Variants in XPO1 observed in about 807,000 individuals in gnomAD.
The protein encoded by XPO1 is exportin 1.
A neutral mutation model predicts 133.3 loss-of-function variants in XPO1; 5 were observed. The ratio of observed to expected loss-of-function variants is 0.04; its 90% CI spans 0.02 to 0.08. The LOEUF (loss-of-function observed/expected upper bound fraction) is 0.08, where lower values mean the gene tolerates loss of function less well. Among genes scored for constraint, XPO1 ranks in the 10% least tolerant of loss-of-function variants. The pLI is 1.00. For missense variants in XPO1, 506 were observed against 1,267.5 expected (o/e 0.40, Z 9.12); for synonymous variants, 419 against 408.2 (o/e 1.03, Z -0.32).
Position 61,489,081 on chromosome 2 carries a change from G to A in XPO1, c.2023-310C>T, listed in dbSNP as rs1442722705. ...CGCACCACTGCACTCCAGCCTGGGC[G>A]AAAGAGCAAGACTCCGTCTCAAAAA... On this transcript the variant is annotated intron_variant, in intron 17 of 24. Coordinates refer to ENST00000401558, the MANE Select transcript of XPO1 (RefSeq NM_003400.4). 5.8e-5 allele frequency among the ~76,000 whole-genome samples: 8 copies of A among 138,872 alleles called. No homozygotes were observed. In the South Asian group the frequency reaches 7.1e-4, roughly 12 times the overall value. 91.1% of individuals were successfully genotyped at this position (138,872 alleles called of 152,430 possible). A position where few individuals can be genotyped will look rare whatever the true frequency, so the allele number is the denominator to read the frequency against.
At position 61,537,752 on chromosome 2, in the gene XPO1, A is replaced by ACAC. The variant is rs1553419555; in HGVS notation, c.-198_-197insGTG. 7.2e-6 allele frequency: 1 copy of ACAC among 139,102 alleles called. No individual in the cohort carries two copies. The highest frequency in any genetic ancestry group is 2.7e-5 in the African/African-American group (1 of 36,482). The allele number at this position is 139,102 out of a possible 1,614,324, so 8.6% of individuals were successfully genotyped here. On this transcript the variant is annotated 5_prime_UTR_variant, in exon 1 of 25. Transcript: ENST00000401558. ...TTACTATTTCAGGGACGCTTCCCCC[A>ACAC]ACACACACACACACACACACACACA...
intron 21 of XPO1, 112 bp downstream of exon 21, chr2:61,483,825 T>C (rs758025230): frequency 8.2e-7 from 1 of 1,220,938 alleles, no homozygotes; most frequent in Non-Finnish European, 1.2e-6. Context: ...TGTTCATATA[T>C]GTAATTCACA....
chr2:61,489,637 C>G (rs947663358), intron 17 of XPO1, among the ~76,000 whole-genome samples: 3 of 151,230 alleles, frequency 2.0e-5, no homozygotes, highest in Admixed American at 1.3e-4. Flanking sequence ...TCACTGCAAG[C>G]TCTGCCTCCC....
intron 6 of XPO1, among the ~76,000 whole-genome samples, 162 bp downstream of exon 6, chr2:61,501,834 A>G (rs541271885): frequency 3.9e-5 from 6 of 152,304 alleles, no homozygotes; most frequent in Admixed American, 3.3e-4. Context: ...CTGCCACAGC[A>G]AATTAACATT....
At chr2:61,483,729 G>A (rs1696529268) in intron 21 of XPO1, 9 of 516,026 alleles carry the variant, frequency 1.7e-5, no homozygotes, top group East Asian at 7.2e-5. Context: ...TTACTAGGCC[G>A]CTCTCCCCAT....
At chr2:61,516,736 A>C (rs900829303) in intron 4 of XPO1, among the ~76,000 whole-genome samples, 8 of 152,040 alleles carry the variant, frequency 5.3e-5, no homozygotes, top group Non-Finnish European at 1.2e-4. Context: ...TTTATCAATC[A>C]ATGAAATGAT....
At chr2:61,534,837 C>G (rs972295142) in intron 1 of XPO1, among the ~76,000 whole-genome samples, 1 of 151,728 alleles carries the variant, frequency 6.6e-6, no homozygotes, top group Non-Finnish European at 1.5e-5. Context: ...AGCTTCTACA[C>G]TCAAACCATT....
intron 6 of XPO1, among the ~76,000 whole-genome samples, chr2:61,501,728 A>AAAAAAAAAAAAAAAAGAAAAAAAAAAG (rs1558649299): frequency 7.2e-6 from 1 of 138,252 alleles, no homozygotes; most frequent in African/African-American, 2.7e-5. Context: ...CTCCAAAAAA[A>AAAAAAAAAAAAAAAAGAAAAAAAAAAG]AAAAAAAAAG....
In XPO1 at chr2:61,494,033, C is replaced by T. The variant is rs1697122530; in HGVS notation, c.1106G>A (p.Cys369Tyr). The T allele has an allele frequency of 6.2e-7, 1 of 1,613,914 alleles. No individual in the cohort carries two copies. Among genetic ancestry groups the T allele is most frequent in the Non-Finnish European group, 8.5e-7 (1 of 1,179,984 alleles). Residue 369 changes from cysteine (C) to tyrosine (Y), a missense_variant, in exon 12 of 25, where the codon TGT (cysteine) becomes TAT (tyrosine). By Grantham distance (194) the Cys-to-Tyr change is radical (BLOSUM62 -2). Transcript: ENST00000401558. Reference sequence around the variant, plus strand: ...AGCCAAATGATTCCAGTATTCAAGACAAATTTTAAAGATTTCAGTTTCTTC... The same window carrying T: ...AGCCAAATGATTCCAGTATTCAAGATAAATTTTAAAGATTTCAGTTTCTTC... ...EVEETEIFKI[C>Y]LEYWNHLAAE...
At chr2:61,530,662 C>T (rs189363966) in intron 2 of XPO1, among the ~76,000 whole-genome samples, 77 of 151,804 alleles carry the variant, frequency 5.1e-4, no homozygotes, top group African/African-American at 1.6e-3. Context: ...TGCAGAAGTT[C>T]TGTCTACAGA....
At chr2:61,490,887 G>A (rs1696946757) in intron 16 of XPO1, 111 bp from the exon 17 acceptor site, 1 of 1,296,330 alleles carries the variant, frequency 7.7e-7, no homozygotes, top group Non-Finnish European at 1.1e-6. Context: ...AGGTGCAGTG[G>A]ATCACTCCTG....
At position 61,483,203 on chromosome 2, in the gene XPO1, G is replaced by A. The variant is rs1300027997; in HGVS notation, c.2678-112C>T. The A allele has an allele frequency of 2.5e-6, 3 of 1,181,396 alleles. No individual in the cohort carries two copies. The East Asian group carries it at 7.5e-5, about 30-fold the overall frequency. The allele number at this position is 1,181,396 out of a possible 1,614,324, so 73.2% of individuals were successfully genotyped here. A position where few individuals can be genotyped will look rare whatever the true frequency, so the allele number is the denominator to read the frequency against. ...CTAACCCTGTTCTCCCTTTTTTTTG[G>A]GATGATGACTAATAATTACTTGCAT... On this transcript the variant is annotated intron_variant, in intron 21 of 24. Coordinates refer to ENST00000401558, the MANE Select transcript of XPO1 (RefSeq NM_003400.4).
intron 24 of XPO1, 90 bp from the exon 25 acceptor site, chr2:61,479,056 G>C: frequency 6.9e-7 from 1 of 1,447,900 alleles, no homozygotes; most frequent in Non-Finnish European, 9.4e-7. Context: ...TTTTAGAGAA[G>C]GAAGGAATAT....
chr2:61,507,931 T>C (rs760678710), intron 4 of XPO1, among the ~76,000 whole-genome samples: 13 of 152,138 alleles, frequency 8.5e-5, no homozygotes, highest in Non-Finnish European at 1.5e-4. Flanking sequence ...AGGTTCTCAT[T>C]GAAGTTGTGT....
chr2:61,530,714 G>T, intron 2 of XPO1, among the ~76,000 whole-genome samples: 1 of 147,934 alleles, frequency 6.8e-6, no homozygotes, highest in Non-Finnish European at 1.5e-5. Context: ...CCTCCCCCAA[G>T]TTACACATTC....
At chr2:61,497,112 G>A in intron 9 of XPO1, 105 bp from the exon 10 acceptor site, 1 of 1,399,216 alleles carries the variant, frequency 7.1e-7, no homozygotes, top group Non-Finnish European at 9.5e-7. Flanking sequence ...AAATATAGGG[G>A]TAGATGTCAA....
intron 2 of XPO1, among the ~76,000 whole-genome samples, chr2:61,533,191 C>T (rs936118732): frequency 1.3e-5 from 2 of 152,064 alleles, no homozygotes; most frequent in African/African-American, 4.8e-5. Flanking sequence ...AAAAGTTTGG[C>T]CCCACAGGTA....
At position 61,492,087 on chromosome 2, in the gene XPO1, T is replaced by G. The variant is rs1047882706; in HGVS notation, c.1835A>C (p.Asp612Ala). The G allele has an allele frequency of 6.2e-7, 1 of 1,614,096 alleles. No individual in the cohort carries two copies. Among genetic ancestry groups the G allele is most frequent in the Non-Finnish European group, 8.5e-7 (1 of 1,180,050 alleles). ...VQVGEVMPFI[D>A]EILNNINTII... The stretch of plus-strand genomic sequence containing the variant: ...AGTGTTAATGTTGTTCAAAATTTCA[T>G]CAATAAATGGCATCACTTCTCCAAC... The change falls in exon 16 of 25, where the codon GAT becomes GCT. Residue 612 changes from aspartate to alanine, a missense_variant. Physicochemically the swap from Asp to Ala is moderately radical, Grantham distance 126 (BLOSUM62 -2). Around this residue, in one of 6 missense-constraint regions of XPO1, gnomAD observed 60 missense variants for 211.0 expected, o/e 0.28. Coordinates refer to ENST00000401558, the MANE Select transcript of XPO1 (RefSeq NM_003400.4). This position sits in a 1 kb window ranked among gnomAD's most constrained non-coding sequence, Gnocchi z 5.6.
Position 61,478,975 on chromosome 2 carries a change from A to C in XPO1, c.3070-9T>G. Reference sequence around the variant, plus strand: ...TCTTCACCTGCAAATTCCTGTGAAAACAGATAGTTGAAATGTCAACGCAAT... The same window carrying C: ...TCTTCACCTGCAAATTCCTGTGAAACCAGATAGTTGAAATGTCAACGCAAT... On this transcript the variant is annotated splice_polypyrimidine_tract_variant and intron_variant, in intron 24 of 24. Coordinates refer to ENST00000401558, the MANE Select transcript of XPO1 (RefSeq NM_003400.4). The C allele has an allele frequency of 1.2e-6, 2 of 1,609,732 alleles. No homozygotes were observed. The highest frequency in any genetic ancestry group is 1.7e-6 in the Non-Finnish European group (2 of 1,178,616).
Sources: allele counts gnomAD v4.1 joint callset (sites outside exome capture counted in the v4.1 genomes callset), GRCh38; gene constraint gnomAD v4.1.1; regional missense constraint gnomAD v4.1.1; non-coding constraint Gnocchi (gnomAD v3.1); transcripts MANE v1.5; gene names NCBI Gene and HGNC (gene_info 2026-07-23, HGNC 2026-07-21).